The following TNR variants were observed in gnomAD, a reference collection of about 807,000 sequenced individuals.
TNR encodes the protein tenascin-R.
In TNR, 45 loss-of-function variants were observed where a neutral mutation model predicts 150.4. That is an observed-to-expected ratio of 0.30 (90% CI 0.24 to 0.38). The LOEUF (loss-of-function observed/expected upper bound fraction) is 0.38. Among genes scored for constraint, TNR ranks in the 10% least tolerant of loss-of-function variants. The probability of loss-of-function intolerance (pLI) is 1.00; values close to 1 mark genes in which losing one functional copy is unlikely to be tolerated. For synonymous variants in TNR, 687 were observed against 678.4 expected (o/e 1.01, Z -0.20); for missense variants, 1,544 against 1,759.1 (o/e 0.88, Z 2.19).
chr1:175,338,008 A>G (rs964287727), intron 18 of TNR, among the ~76,000 whole-genome samples: 1 of 152,192 alleles, frequency 6.6e-6, no homozygotes, highest in African/African-American at 2.4e-5. Context: ...TAAAATGGGG[A>G]TAATAAAAGT....
At chr1:175,640,601 TA>T (rs1234693098) in intron 1 of TNR, among the ~76,000 whole-genome samples, 3 of 152,132 alleles carry the variant, frequency 2.0e-5, no homozygotes, top group Non-Finnish European at 4.4e-5. Context: ...GGACCCAGGG[TA>T]AGGTTTCTGC....
chr1:175,498,504 G>A (rs1350496217), intron 2 of TNR, among the ~76,000 whole-genome samples: 1 of 152,198 alleles, frequency 6.6e-6, no homozygotes, highest in Non-Finnish European at 1.5e-5. Context: ...TACCCATACT[G>A]GGCTGGTATG....
At chr1:175,386,824 G>T (rs7541586) in intron 7 of TNR, among the ~76,000 whole-genome samples, 253 of 152,320 alleles carry the variant, frequency 1.7e-3, no homozygotes, top group African/African-American at 5.7e-3. Context: ...CAACACAGTT[G>T]CTAAGACCAT....
chr1:175,323,389 C>A lies in TNR; in HGVS notation c.4045G>T (p.Ala1349Ser). The A allele has an allele frequency of 6.2e-7, 1 of 1,614,136 alleles. No individual in the cohort carries two copies. Among genetic ancestry groups the A allele is most frequent in the South Asian group, 1.1e-5 (1 of 91,084 alleles). ...TGTAAGGACTGCCGTTTTCTCCCTG[C>A]CATGAGACGGTGGTTGTAGGGGCGC... is the stretch of plus-strand genomic sequence containing the variant. The part of the protein sequence containing the change: ...KMRPYNHRLM[A>S]GRKRQSLQF The change falls in exon 23 of 23, where the codon GCA (alanine) becomes TCA (serine). Residue 1349 changes from alanine to serine, a missense_variant. Physicochemically the swap from Ala to Ser is moderately conservative, Grantham distance 99. Transcript: ENST00000367674.
chr1:175,337,622 G>C lies in TNR; in HGVS notation c.3440C>G (p.Thr1147Ser). The change falls in exon 19 of 23, where the codon ACT becomes AGT. Residue 1147 changes from threonine (T) to serine (S), a missense_variant. Around this residue, in one of 2 missense-constraint regions of TNR, gnomAD observed 290 missense variants for 429.7 expected, o/e 0.67. Coordinates refer to ENST00000367674, the MANE Select transcript of TNR (RefSeq NM_003285.3). ...GAAGATGGGGTAAACCCCACTCAAAGTGTCTCCATTCATCAAATGCTGGGC... is the reference window on the plus strand; with the variant it reads ...GAAGATGGGGTAAACCCCACTCAAACTGTCTCCATTCATCAAATGCTGGGC... ...DCAQHLMNGD[T>S]LSGVYPIFLN... 1.2e-6 allele frequency: 2 copies of C among 1,614,204 alleles called. No individual in the cohort carries two copies. The highest frequency in any genetic ancestry group is 1.7e-6 in the Non-Finnish European group (2 of 1,180,032).
intron 2 of TNR, among the ~76,000 whole-genome samples, chr1:175,423,455 G>T (rs539408679): frequency 2.6e-5 from 4 of 152,328 alleles, no homozygotes; most frequent in African/African-American, 9.6e-5. Context: ...GGGTATAGAT[G>T]AGTACAATTG....
intron 1 of TNR, among the ~76,000 whole-genome samples, chr1:175,608,882 T>C (rs1663503530): frequency 1.3e-5 from 2 of 152,294 alleles, no homozygotes; most frequent in Admixed American, 6.5e-5. Flanking sequence ...ATGTGGACTA[T>C]AGAAACCCCC....
At chr1:175,564,662 T>C (rs939484020) in intron 1 of TNR, among the ~76,000 whole-genome samples, 4 of 150,342 alleles carry the variant, frequency 2.7e-5, no homozygotes, top group African/African-American at 4.9e-5. Flanking sequence ...TAAATGTTTA[T>C]TTGGGGTGGT....
chr1:175,398,521 A>G (rs1272377111), intron 4 of TNR, among the ~76,000 whole-genome samples: 2 of 152,218 alleles, frequency 1.3e-5, no homozygotes, highest in Non-Finnish European at 2.9e-5. Context: ...CTCCTAGGCC[A>G]TGAGAAGAAG....
intron 1 of TNR, among the ~76,000 whole-genome samples, chr1:175,626,209 C>A (rs766671298): frequency 6.6e-5 from 10 of 152,178 alleles, no homozygotes; most frequent in Admixed American, 6.5e-5. Context: ...TGCCCGGTCT[C>A]GGGTATGTCT....
At chr1:175,532,665 G>C (rs1219899193) in intron 1 of TNR, among the ~76,000 whole-genome samples, 1 of 152,154 alleles carries the variant, frequency 6.6e-6, no homozygotes, top group Non-Finnish European at 1.5e-5. Context: ...CAGTTTATCT[G>C]AGTGGTTCTG....
At chr1:175,515,237 C>T (rs1321460318) in intron 2 of TNR, among the ~76,000 whole-genome samples, 15 of 152,138 alleles carry the variant, frequency 9.9e-5, no homozygotes, top group African/African-American at 3.1e-4. Flanking sequence ...CTACCCTATG[C>T]CCAGCCTTGA....
intron 1 of TNR, among the ~76,000 whole-genome samples, chr1:175,637,970 T>A (rs144991276): frequency 6.6e-6 from 1 of 152,006 alleles, no homozygotes; most frequent in Non-Finnish European, 1.5e-5. Context: ...CCCACCCCCA[T>A]CTCCAGTGAA....
At chr1:175,541,393 A>G (rs55846629) in intron 1 of TNR, among the ~76,000 whole-genome samples, 8,458 of 152,290 alleles carry the variant, frequency 0.056, 334 homozygotes, top group African/African-American at 0.11. Context: ...AAATGTTCAC[A>G]TTAAATACTG....
intron 1 of TNR, among the ~76,000 whole-genome samples, chr1:175,543,457 G>GAGCCAGAGAGCAGCCAGAGCCAGAGAGC (rs1557996946): frequency 6.6e-6 from 1 of 152,104 alleles, no homozygotes; most frequent in East Asian, 1.9e-4. Flanking sequence ...AGGGGACCTA[G>GAGCCAGAGAGCAGCCAGAGCCAGAGAGC]AGCCAGAGAG....
At chr1:175,422,012 T>C (rs1446542432) in intron 2 of TNR, among the ~76,000 whole-genome samples, 1 of 152,230 alleles carries the variant, frequency 6.6e-6, no homozygotes, top group Non-Finnish European at 1.5e-5. Flanking sequence ...ATCATTACTA[T>C]CCCATTTTAC....
At chr1:175,682,638 G>A (rs1666069366) in intron 1 of TNR, among the ~76,000 whole-genome samples, 1 of 152,150 alleles carries the variant, frequency 6.6e-6, no homozygotes, top group African/African-American at 2.4e-5. Context: ...AGACTCTGAT[G>A]GAGAGGACTA....
At chr1:175,571,794 A>G (rs1050325861) in intron 1 of TNR, among the ~76,000 whole-genome samples, 11 of 152,188 alleles carry the variant, frequency 7.2e-5, no homozygotes, top group Non-Finnish European at 2.9e-5. Context: ...TCTAATGTCA[A>G]TGCCACTTTA....
At chr1:175,597,234 G>C (rs1367151255) in intron 1 of TNR, among the ~76,000 whole-genome samples, 1 of 152,158 alleles carries the variant, frequency 6.6e-6, no homozygotes, top group Non-Finnish European at 1.5e-5. Flanking sequence ...CCAGCACAGT[G>C]GTGAGATGAG....
Sources: allele counts gnomAD v4.1 joint callset (sites outside exome capture counted in the v4.1 genomes callset), GRCh38; gene constraint gnomAD v4.1.1; regional missense constraint gnomAD v4.1.1; transcripts MANE v1.5; gene names NCBI Gene and HGNC (gene_info 2026-07-23, HGNC 2026-07-21).